The following KALRN variants were observed in gnomAD, a reference collection of about 807,000 sequenced individuals.
The protein encoded by KALRN is kalirin RhoGEF kinase, also known as kalirin.
A neutral mutation model predicts 353.7 loss-of-function variants in KALRN; 70 were observed. The observed-to-expected ratio is 0.20, with a 90% CI of 0.16 to 0.24. The LOEUF is 0.24. Among genes scored for constraint, KALRN ranks in the 10% least tolerant of loss-of-function variants. The pLI, the probability that KALRN is intolerant of heterozygous loss-of-function variation, is 1.00. For missense variants in KALRN, 2,791 were observed against 3,756.7 expected, an observed-to-expected ratio of 0.74 and a Z score of 6.72; for synonymous variants, 1,391 against 1,434.8, an observed-to-expected ratio of 0.97 and a Z score of 0.69.
chr3:124,694,360 G>A lies in KALRN; in HGVS notation c.7434G>A (p.Val2478=). 6.2e-7 allele frequency: 1 copy of A among 1,614,196 alleles called. No homozygotes were observed. Among genetic ancestry groups the A allele is most frequent in the Non-Finnish European group, 8.5e-7 (1 of 1,180,020 alleles). Residue 2478 remains valine, a synonymous_variant, in exon 53 of 60, where the codon GTG becomes GTA. Transcript: ENST00000682506. The stretch of plus-strand genomic sequence containing the variant: ...CCCCAGAATTCCTTGTGCCCTTGGT[G>A]GATGTGACCTGCTTGCTTGGGGACA... ...EVAPEFLVPL[V]DVTCLLGDTV...
chr3:124,141,400 C>T (rs1386743292), intron 1 of KALRN, among the ~76,000 whole-genome samples: 2 of 152,096 alleles, frequency 1.3e-5, no homozygotes, highest in Non-Finnish European at 2.9e-5. Context: ...AGTGATCTTC[C>T]TTGGAGCATA....
At chr3:124,485,286 C>T (rs529749717) in intron 28 of KALRN, among the ~76,000 whole-genome samples, 16 of 152,342 alleles carry the variant, frequency 1.1e-4, no homozygotes, top group African/African-American at 3.4e-4. Flanking sequence ...CAACTATCCA[C>T]ACTGCCAGTG....
At chr3:124,265,781 T>G (rs567816603) in intron 4 of KALRN, among the ~76,000 whole-genome samples, 1 of 152,196 alleles carries the variant, frequency 6.6e-6, no homozygotes, top group Non-Finnish European at 1.5e-5. Context: ...ATATATAGGT[T>G]GTATCCTTGC....
At chr3:124,462,099 C>T (rs2059913933) in intron 24 of KALRN, 143 bp downstream of exon 24, 1 of 656,976 alleles carries the variant, frequency 1.5e-6, no homozygotes. Flanking sequence ...AATCTTTCTC[C>T]TAAAGTCAAC....
chr3:124,108,365 T>A (rs1383204319), intron 1 of KALRN, among the ~76,000 whole-genome samples: 2 of 152,226 alleles, frequency 1.3e-5, no homozygotes, highest in Non-Finnish European at 2.9e-5. Context: ...AGTATATTCT[T>A]GACTCATTTA....
In KALRN at chr3:124,725,065, G is replaced by C. The variant is rs1464132035; in HGVS notation, c.*5595G>C. ...AACAATTCTTGGAATGCCAACTCCT[G>C]AGGCTTAGTTTAACCAAGCTAATTT... On this transcript the variant is annotated 3_prime_UTR_variant, in exon 60 of 60. Transcript: ENST00000682506. 3.3e-5 allele frequency: 5 copies of C among 152,232 alleles called. No individual in the cohort carries two copies. Among genetic ancestry groups the C allele is most frequent in the African/African-American group, 1.2e-4 (5 of 41,472 alleles). 9.4% of individuals were successfully genotyped at this position (152,232 alleles called of 1,614,324 possible).
intron 33 of KALRN, among the ~76,000 whole-genome samples, chr3:124,554,781 C>G (rs1208245684): frequency 6.6e-6 from 1 of 152,172 alleles, no homozygotes; most frequent in Non-Finnish European, 1.5e-5. Flanking sequence ...AAGGAAGGAA[C>G]TTGTTGACTT....
chr3:124,633,864 T>C lies in KALRN; in HGVS notation c.5479T>C (p.Trp1827Arg). ...GDSADESKKG[W>R]GEDEPDEESH... Reference sequence around the variant, plus strand: ...TTTGTTCTAGAAGAGCAAGAAAGGTTGGGGTGAAGATGAGCCGGATGAAGA... The same window carrying C: ...TTTGTTCTAGAAGAGCAAGAAAGGTCGGGGTGAAGATGAGCCGGATGAAGA... Residue 1827 changes from tryptophan to arginine, a missense_variant, in exon 36 of 60, where the codon TGG becomes CGG. Coordinates refer to ENST00000682506, the MANE Select transcript of KALRN (RefSeq NM_001388419.1). 6.2e-7 allele frequency: 1 copy of C among 1,613,894 alleles called. No individual in the cohort carries two copies. The highest frequency in any genetic ancestry group is 8.5e-7 in the Non-Finnish European group (1 of 1,179,910).
intron 3 of KALRN, among the ~76,000 whole-genome samples, chr3:124,240,854 G>C (rs185498631): frequency 6.6e-6 from 1 of 152,052 alleles, no homozygotes; most frequent in Non-Finnish European, 1.5e-5. Context: ...ATCTCATAAG[G>C]GTATTGTGAG....
chr3:124,645,834 G>A (rs1465011701), intron 37 of KALRN, among the ~76,000 whole-genome samples: 1 of 152,022 alleles, frequency 6.6e-6, no homozygotes, highest in Non-Finnish European at 1.5e-5. Context: ...AGGGATTATT[G>A]GGTCATATGA....
At chr3:124,255,030 C>T (rs1305048846) in intron 3 of KALRN, among the ~76,000 whole-genome samples, 2 of 152,138 alleles carry the variant, frequency 1.3e-5, no homozygotes, top group Non-Finnish European at 2.9e-5. Context: ...ACTGCAACCT[C>T]CGCCTCCCGG....
intron 8 of KALRN, among the ~76,000 whole-genome samples, chr3:124,333,065 C>A (rs1259678532): frequency 6.6e-6 from 1 of 152,164 alleles, no homozygotes; most frequent in Admixed American, 6.5e-5. Context: ...TCATGTCTTA[C>A]ATGGTGGCAG....
intron 33 of KALRN, among the ~76,000 whole-genome samples, chr3:124,511,633 T>C (rs1190192133): frequency 6.6e-6 from 1 of 152,206 alleles, no homozygotes; most frequent in African/African-American, 2.4e-5. Context: ...CCCTTCCCTC[T>C]GCCCCTGCTC....
At chr3:124,108,179 G>T (rs2062492849) in intron 1 of KALRN, among the ~76,000 whole-genome samples, 1 of 152,142 alleles carries the variant, frequency 6.6e-6, no homozygotes, top group Admixed American at 6.5e-5. Flanking sequence ...TTGCTACCTT[G>T]GTTCCATACT....
At chr3:124,596,426 C>A (rs2076271075) in intron 34 of KALRN, among the ~76,000 whole-genome samples, 1 of 151,924 alleles carries the variant, frequency 6.6e-6, no homozygotes, top group Non-Finnish European at 1.5e-5. Flanking sequence ...AAAATCGCGC[C>A]ATTGCACTCC....
At chr3:124,385,306 C>A (rs1316761664) in intron 11 of KALRN, among the ~76,000 whole-genome samples, 1 of 152,088 alleles carries the variant, frequency 6.6e-6, no homozygotes, top group African/African-American at 2.4e-5. Flanking sequence ...CAATCTGCAG[C>A]TGGAGAAATG....
rs75629492 is a variant in KALRN, at chr3:124,530,884, G to A, written c.4936-31959G>A. On this transcript the variant is annotated intron_variant, in intron 33 of 59. Coordinates refer to ENST00000682506, the MANE Select transcript of KALRN (RefSeq NM_001388419.1). The stretch of plus-strand genomic sequence containing the variant: ...TAAGACAATTCAATCGAGAACAAAA[G>A]TGAATATATCTGTTGGGATAAGCCA... Among the ~76,000 whole-genome samples, 330 of 152,220 alleles carry A rather than the reference G, an allele frequency of 2.2e-3. 1 individual carries two copies. The highest frequency in any genetic ancestry group is 7.6e-3 in the African/African-American group (316 of 41,518).
chr3:124,469,009 C>T (rs2060623890), intron 25 of KALRN, among the ~76,000 whole-genome samples: 1 of 152,228 alleles, frequency 6.6e-6, no homozygotes, highest in Admixed American at 6.5e-5. Context: ...TTGTTTTACA[C>T]ACTAACTTCT....
At chr3:124,090,092 C>G (rs886391325) in intron 1 of KALRN, among the ~76,000 whole-genome samples, 1 of 152,080 alleles carries the variant, frequency 6.6e-6, no homozygotes. Context: ...GGAGAGGGGA[C>G]TGGCTCTTGT....
Sources: gnomAD v4.1 joint callset for allele counts (sites outside exome capture counted in the v4.1 genomes callset) on GRCh38, gnomAD v4.1.1 for gene constraint, MANE v1.5 for transcripts, NCBI Gene and HGNC (gene_info 2026-07-23, HGNC 2026-07-21) for gene names.